FAHD2A: variants seen among roughly 807,000 people sequenced by gnomAD.
FAHD2A encodes oxaloacetate tautomerase FAHD2A, mitochondrial.
Under a neutral mutation model 33.4 loss-of-function variants are expected in FAHD2A, and 27 were observed. The observed-to-expected ratio is 0.81, with a 90% CI of 0.60 to 1.11. FAHD2A has a LOEUF of 1.11. Among genes scored for constraint, FAHD2A ranks in the 50% most tolerant of loss-of-function variants. The probability of loss-of-function intolerance (pLI) is 0.00; values close to 1 mark genes in which losing one functional copy is unlikely to be tolerated. For synonymous variants in FAHD2A, 130 were observed against 153.3 expected (o/e 0.85, Z 1.12); for missense variants, 296 against 395.0 (o/e 0.75, Z 2.12).
chr2:95,406,686 G>A (rs1215861986), intron 2 of FAHD2A, among the ~76,000 whole-genome samples: 2 of 152,186 alleles, frequency 1.3e-5, no homozygotes, highest in East Asian at 1.9e-4. Flanking sequence ...ACCTTTCCAT[G>A]TATTCCAGTT....
Position 95,411,131 on chromosome 2 carries a change from C to T in FAHD2A, c.685+105C>T, listed in dbSNP as rs866828561. The T allele has an allele frequency of 2.0e-5, 30 of 1,518,658 alleles. No homozygotes were observed. In the East Asian group the frequency reaches 3.0e-4, roughly 15 times the overall value. The allele number at this position is 1,518,658 out of a possible 1,614,324, so 94.1% of individuals were successfully genotyped here. On this transcript the variant is annotated intron_variant, in intron 5 of 7. Transcript: ENST00000233379. The stretch of plus-strand genomic sequence containing the variant: ...ACATGTGGCACCTGCCCTCCCTGGC[C>T]GCCCTTTCACTGCTGACTCCATACA...
In FAHD2A at chr2:95,416,533, C is replaced by G. The variant is rs1469706710; in HGVS notation, c.*3576C>G. ...GTCAGCTCCCTGTGCCTAGCCTGGACCTCAGCTCATGTCTAGCACCCAGTC... is the reference window on the plus strand; with the variant it reads ...GTCAGCTCCCTGTGCCTAGCCTGGAGCTCAGCTCATGTCTAGCACCCAGTC... On this transcript the variant is annotated 3_prime_UTR_variant, in exon 8 of 8. Coordinates refer to ENST00000233379, the MANE Select transcript of FAHD2A (RefSeq NM_016044.3). 6.6e-6 allele frequency: 1 copy of G among 152,260 alleles called. No individual in the cohort carries two copies. The highest frequency in any genetic ancestry group is 1.5e-5 in the Non-Finnish European group (1 of 68,078). 9.4% of individuals were successfully genotyped at this position (152,260 alleles called of 1,614,324 possible).
Position 95,413,520 on chromosome 2 carries a change from G to C in FAHD2A, c.*563G>C. On this transcript the variant is annotated 3_prime_UTR_variant, in exon 8 of 8. Coordinates refer to ENST00000233379, the MANE Select transcript of FAHD2A (RefSeq NM_016044.3). Reference sequence around the variant, plus strand: ...GATTGTCCAGGCTGGCAAAAGTAGGGGACAGGTGGAGCCTGGGGCCTGCAG... The same window carrying C: ...GATTGTCCAGGCTGGCAAAAGTAGGCGACAGGTGGAGCCTGGGGCCTGCAG... 8 of 1,606,318 alleles carry C rather than the reference G, an allele frequency of 5.0e-6. No homozygotes were observed. Among genetic ancestry groups the C allele is most frequent in the East Asian group, 4.5e-5 (2 of 44,826 alleles).
In FAHD2A at chr2:95,405,666, C is replaced by T. The variant is rs375727090; in HGVS notation, c.108C>T (p.His36=). The change falls in exon 2 of 8, where the codon CAC becomes CAT. Residue 36 remains histidine (H), a synonymous_variant. Transcript: ENST00000233379. ...GACTAGTGCAGTTCCGGGCACCCCA[C>T]CTGGTGGGGCCTCACTTGGGCCTGG... ...DMRLVQFRAP[H]LVGPHLGLET... is the part of the protein sequence containing the mutation. 1.1e-5 allele frequency: 17 copies of T among 1,614,146 alleles called. No individual in the cohort carries two copies. The South Asian group carries it at 1.9e-4, about 18-fold the overall frequency.
In FAHD2A at chr2:95,412,696, G is replaced by C; in HGVS notation, c.814G>C (p.Gly272Arg). The C allele has an allele frequency of 6.2e-7, 1 of 1,614,126 alleles. No homozygotes were observed. The highest frequency in any genetic ancestry group is 8.5e-7 in the Non-Finnish European group (1 of 1,180,000). The change falls in exon 7 of 8, where the codon GGG (glycine) becomes CGG (arginine). Residue 272 changes from glycine (G) to arginine (R), a missense_variant. Coordinates refer to ENST00000233379, the MANE Select transcript of FAHD2A (RefSeq NM_016044.3). ...WVSQFVTFYP[G>R]DVILTGTPPG... Reference sequence around the variant, plus strand: ...ATCCAGGTTTGTTACCTTTTACCCAGGGGATGTCATCCTAACTGGGACCCC... The same window carrying C: ...ATCCAGGTTTGTTACCTTTTACCCACGGGATGTCATCCTAACTGGGACCCC...
chr2:95,405,490 T>G, intron 1 of FAHD2A, 63 bp from the exon 2 acceptor site: 2 of 1,549,416 alleles, frequency 1.3e-6, no homozygotes, highest in East Asian at 4.5e-5. Context: ...CCTAGGAATT[T>G]CAGGGAACCT....
chr2:95,407,770 A>G (rs765154241), intron 3 of FAHD2A, among the ~76,000 whole-genome samples: 7 of 152,238 alleles, frequency 4.6e-5, no homozygotes, highest in Non-Finnish European at 7.3e-5. Flanking sequence ...GTATTTCAAA[A>G]TTTTTGAAAA....
intron 5 of FAHD2A, among the ~76,000 whole-genome samples, chr2:95,411,228 A>G (rs1682447474): frequency 6.6e-6 from 1 of 152,240 alleles, no homozygotes; most frequent in Admixed American, 6.5e-5. Context: ...AGGGAACACA[A>G]CTGCAGAGGA....
Position 95,413,276 on chromosome 2 carries a change from G to A in FAHD2A, c.*319G>A, listed in dbSNP as rs749756593. 10 of 1,357,412 alleles carry A rather than the reference G, an allele frequency of 7.4e-6. No individual in the cohort carries two copies. The African/African-American group carries it at 8.8e-5, about 12-fold the overall frequency. 84.1% of individuals were successfully genotyped at this position (1,357,412 alleles called of 1,614,324 possible). On this transcript the variant is annotated 3_prime_UTR_variant, in exon 8 of 8. Transcript: ENST00000233379. ...GGCTGGGGAAAAGACAATTCGTGTCGTCCCCTTGTTTATCACATCAAAGAA... is the reference window on the plus strand; with the variant it reads ...GGCTGGGGAAAAGACAATTCGTGTCATCCCCTTGTTTATCACATCAAAGAA...
chr2:95,412,551 C>A lies in FAHD2A; in HGVS notation c.794+9C>A. On this transcript the variant is annotated intron_variant, in intron 6 of 7. Transcript: ENST00000233379. ...ATAGCCTGGGTCTCCCAGTGAGTGACAGGGGCTGTCCTGCCAGCCCCGCTT... is the reference window on the plus strand; with the variant it reads ...ATAGCCTGGGTCTCCCAGTGAGTGAAAGGGGCTGTCCTGCCAGCCCCGCTT... 3.1e-6 allele frequency: 5 copies of A among 1,613,968 alleles called. No homozygotes were observed. The highest frequency in any genetic ancestry group is 4.2e-6 in the Non-Finnish European group (5 of 1,179,852).
At position 95,407,170 on chromosome 2, in the gene FAHD2A, C is replaced by T. The variant is rs1257871024; in HGVS notation, c.462+13C>T. The T allele has an allele frequency of 1.2e-6, 2 of 1,611,996 alleles. No homozygotes were observed. Among genetic ancestry groups the T allele is most frequent in the African/African-American group, 1.3e-5 (1 of 74,986 alleles). ...ACCACAGAGCCAGGTCAGTGTCTCC[C>T]CACTGCCCTCCCTAGTCACTGGGCC... On this transcript the variant is annotated intron_variant, in intron 3 of 7. Transcript: ENST00000233379.
chr2:95,412,851 G>C, intron 7 of FAHD2A, 44 bp from the exon 8 acceptor site: 1 of 1,614,266 alleles, frequency 6.2e-7, no homozygotes, highest in Non-Finnish European at 8.5e-7. Context: ...GTGTATGTGT[G>C]TCTGACGGAA....
chr2:95,410,424 A>G (rs1682277398), intron 3 of FAHD2A, 103 bp from the exon 4 acceptor site: 1 of 1,466,926 alleles, frequency 6.8e-7, no homozygotes, highest in African/African-American at 1.4e-5. Flanking sequence ...CAGCGAAGCC[A>G]TACTGACAAA....
chr2:95,412,869 C>G, intron 7 of FAHD2A, 26 bp from the exon 8 acceptor site: 1 of 1,614,250 alleles, frequency 6.2e-7, no homozygotes. Flanking sequence ...GAAGGGCTGA[C>G]ACTGTCATGG....
chr2:95,420,557 A>C (rs541288666), downstream of FAHD2A, among the ~76,000 whole-genome samples: 93 of 151,904 alleles, frequency 6.1e-4, 2 homozygotes, highest in African/African-American at 2.2e-3. Flanking sequence ...GGGAAAACTC[A>C]GAATTGTCTG....
intron 1 of FAHD2A, 108 bp from the exon 2 acceptor site, chr2:95,405,445 A>G (rs1681364754): frequency 6.7e-7 from 1 of 1,488,110 alleles, no homozygotes; most frequent in Admixed American, 2.3e-5. Context: ...GTATGCAGGG[A>G]ACGGTTGATG....
intron 5 of FAHD2A, among the ~76,000 whole-genome samples, 185 bp downstream of exon 5, chr2:95,411,211 C>G (rs1277068047): frequency 3.9e-5 from 6 of 152,316 alleles, no homozygotes; most frequent in African/African-American, 1.4e-4. Context: ...CTTCCCAAGC[C>G]CCCTAGAGGG....
downstream of FAHD2A, among the ~76,000 whole-genome samples, chr2:95,420,194 C>T (rs1010998837): frequency 1.2e-4 from 19 of 152,052 alleles, no homozygotes; most frequent in Admixed American, 3.3e-4. Flanking sequence ...TCCAGAAACA[C>T]ACCCACAGAA....
chr2:95,411,058 A>G (rs370293938), intron 5 of FAHD2A, 32 bp downstream of exon 5: 1 of 1,611,612 alleles, frequency 6.2e-7, no homozygotes, highest in Non-Finnish European at 8.5e-7. Context: ...CCTTATACCT[A>G]CCATTGCACA....
Sources: allele counts gnomAD v4.1 joint callset (sites outside exome capture counted in the v4.1 genomes callset), GRCh38; gene constraint gnomAD v4.1.1; transcripts MANE v1.5; gene names NCBI Gene and HGNC (gene_info 2026-07-23, HGNC 2026-07-21).